Variants in FRMD3 observed in about 807,000 individuals in gnomAD.
FRMD3 encodes FERM domain-containing protein 3.
Under a neutral mutation model 70.2 loss-of-function variants are expected in FRMD3, and 33 were observed. That is an observed-to-expected ratio of 0.47 (90% CI 0.36 to 0.63). The LOEUF is 0.63. Among genes scored for constraint, FRMD3 ranks in the 20% least tolerant of loss-of-function variants. The pLI is 0.00. For synonymous variants in FRMD3, 279 were observed against 255.9 expected, an observed-to-expected ratio of 1.09 and a Z score of -0.86; for missense variants, 632 against 711.4, an observed-to-expected ratio of 0.89 and a Z score of 1.27.
At chr9:83,543,629 G>A in the FRMD3 span, among the ~76,000 whole-genome samples, 3 of 152,174 alleles carry the variant, frequency 2.0e-5, no homozygotes, top group Non-Finnish European at 2.9e-5. Flanking sequence ...ACCCACATGG[G>A]GCCAGCTGGA....
intron 6 of FRMD3, among the ~76,000 whole-genome samples, chr9:83,321,420 A>C (rs551333340): frequency 1.1e-4 from 16 of 152,218 alleles, no homozygotes; most frequent in African/African-American, 3.4e-4. Flanking sequence ...AATTTGTCTT[A>C]ATTTCCTTAT....
At chr9:83,395,963 C>G (rs185484525) in intron 1 of FRMD3, among the ~76,000 whole-genome samples, 13 of 152,262 alleles carry the variant, frequency 8.5e-5, no homozygotes, top group Non-Finnish European at 1.9e-4. Context: ...GTAATAAGAA[C>G]TACTATTCAT....
chr9:83,405,934 G>T lies in FRMD3; in HGVS notation c.148-16226C>A, dbSNP rs544076587. On this transcript the variant is annotated intron_variant, in intron 1 of 13. Transcript: ENST00000304195. ...ACGAAAATTCTGCCAATTTTACTCG[G>T]TCACAGATTAAAGCAAACAGTAACT... Among the ~76,000 whole-genome samples the T allele has an allele frequency of 9.2e-5, 14 of 152,106 alleles. No individual in the cohort carries two copies. In the South Asian group the frequency reaches 2.7e-3, roughly 29 times the overall value.
chr9:83,293,322 C>T (rs1834522063), intron 12 of FRMD3, among the ~76,000 whole-genome samples: 1 of 152,170 alleles, frequency 6.6e-6, no homozygotes, highest in South Asian at 2.1e-4. Flanking sequence ...GCAAGGACAA[C>T]ATACTGTCAT....
In FRMD3 at chr9:83,436,458, A is replaced by ATGTGTGTGTGTGTGTGTG. The variant is rs148417744; in HGVS notation, c.148-46768_148-46751dup. 4.8e-3 allele frequency among the ~76,000 whole-genome samples: 691 copies of ATGTGTGTGTGTGTGTGTG among 144,638 alleles called. 5 individuals carry two copies. The highest frequency in any genetic ancestry group is 9.8e-3 in the African/African-American group (382 of 38,808). The allele number at this position is 144,638 out of a possible 152,430, so 94.9% of individuals were successfully genotyped here. A position where few individuals can be genotyped will look rare whatever the true frequency, so the allele number is the denominator to read the frequency against. ...CCTTTGCCAAATTTTAATTAATAAG[A>ATGTGTGTGTGTGTGTGTG]TGTGTGTGTGTGTGTGTGTGTGTGT... is the stretch of plus-strand genomic sequence containing the variant. On this transcript the variant is annotated intron_variant, in intron 1 of 13. Transcript: ENST00000304195.
chr9:83,443,342 G>A lies in FRMD3; in HGVS notation c.148-53634C>T, dbSNP rs115441134. Among the ~76,000 whole-genome samples, 798 of 152,072 alleles carry A rather than the reference G, an allele frequency of 5.2e-3. 11 individuals carry two copies. The highest frequency in any genetic ancestry group is 0.017 in the African/African-American group (718 of 41,460). The stretch of plus-strand genomic sequence containing the variant: ...TATGTGATGTACCCCGCCCTGTATC[G>A]AAGTGTTCTCATTGTTCAATTCCCA... On this transcript the variant is annotated intron_variant, in intron 1 of 13. Coordinates refer to ENST00000304195, the MANE Select transcript of FRMD3 (RefSeq NM_174938.6).
chr9:83,325,002 C>A (rs945133768), intron 6 of FRMD3, among the ~76,000 whole-genome samples: 6 of 152,192 alleles, frequency 3.9e-5, no homozygotes, highest in African/African-American at 1.4e-4. Flanking sequence ...TGATTTCTAT[C>A]CACCTTTTAT....
At position 83,538,239 on chromosome 9, in the gene FRMD3, G is replaced by A. The variant is rs780934331; in HGVS notation, c.-8C>T. ...GTGGCAGGAGGCGAACATGCACCGC[G>A]GCCGTGGGGAGCGAGCGGGAGGCTC... On this transcript the variant is annotated 5_prime_UTR_variant, in exon 1 of 14. Transcript: ENST00000304195. The surrounding 1 kb of genome is among the most constrained non-coding windows in gnomAD (Gnocchi z 4.7). 5 of 1,557,016 alleles carry A rather than the reference G, an allele frequency of 3.2e-6. No individual in the cohort carries two copies. The highest frequency in any genetic ancestry group is 1.2e-5 in the South Asian group (1 of 85,382).
At chr9:83,263,070 T>A (rs1245328327) in intron 13 of FRMD3, among the ~76,000 whole-genome samples, 2 of 152,210 alleles carry the variant, frequency 1.3e-5, no homozygotes, top group East Asian at 3.9e-4. Flanking sequence ...TGGTACAGAC[T>A]CCTTATCTGT....
At chr9:83,568,009 C>T in the FRMD3 span, among the ~76,000 whole-genome samples, 849 of 152,258 alleles carry the variant, frequency 5.6e-3, 9 homozygotes, top group African/African-American at 0.016. Flanking sequence ...TCCAAATTCA[C>T]GCTGCTGATA....
intron 1 of FRMD3, among the ~76,000 whole-genome samples, chr9:83,534,299 A>G (rs947098493): frequency 6.6e-6 from 1 of 152,246 alleles, no homozygotes; most frequent in Non-Finnish European, 1.5e-5. Flanking sequence ...AGACAGAGCC[A>G]GTGACTTCCA....
At chr9:83,395,038 A>G (rs1163423876) in intron 1 of FRMD3, among the ~76,000 whole-genome samples, 2 of 152,222 alleles carry the variant, frequency 1.3e-5, no homozygotes, top group Non-Finnish European at 2.9e-5. Flanking sequence ...GGGATTATAA[A>G]TAAGCAAAGA....
At position 83,382,652 on chromosome 9, in the gene FRMD3, C is replaced by T. The variant is rs190748742; in HGVS notation, c.252+6952G>A. On this transcript the variant is annotated intron_variant, in intron 2 of 13. Transcript: ENST00000304195. ...TGACTCAGTCCTTTGATCCTGCCTC[C>T]CTGCTTGGAACTGCAGCTCACTCCC... Among the ~76,000 whole-genome samples the T allele has an allele frequency of 2.6e-5, 4 of 152,088 alleles. No homozygotes were observed. The East Asian group carries it at 5.8e-4, about 22-fold the overall frequency.
chr9:83,280,396 C>G (rs991838922), intron 13 of FRMD3, among the ~76,000 whole-genome samples: 1 of 152,200 alleles, frequency 6.6e-6, no homozygotes, highest in African/African-American at 2.4e-5. Context: ...ATGAGAGTGA[C>G]ACAGCACCTA....
At chr9:83,419,484 AGAGT>A (rs1481559227) in intron 1 of FRMD3, among the ~76,000 whole-genome samples, 10 of 148,598 alleles carry the variant, frequency 6.7e-5, no homozygotes, top group East Asian at 2.0e-4. Flanking sequence ...TCATGTGTTG[AGAGT>A]GTGTGTGTTC....
chr9:83,357,103 TATCC>T (rs1441031207), intron 3 of FRMD3, among the ~76,000 whole-genome samples: 1 of 135,944 alleles, frequency 7.4e-6, no homozygotes, highest in Non-Finnish European at 1.5e-5. Context: ...TATATATATC[TATCC>T]ATCATGGTAA....
At chr9:83,483,494 C>T (rs1828616159) in intron 1 of FRMD3, among the ~76,000 whole-genome samples, 2 of 152,192 alleles carry the variant, frequency 1.3e-5, no homozygotes, top group African/African-American at 4.8e-5. Context: ...GCTATCTACA[C>T]CACTGATTAA....
the FRMD3 span, among the ~76,000 whole-genome samples, chr9:83,574,378 A>T: frequency 6.6e-6 from 1 of 152,198 alleles, no homozygotes; most frequent in African/African-American, 2.4e-5. Context: ...AAAAATACAT[A>T]TTTTACTCTT....
intron 6 of FRMD3, among the ~76,000 whole-genome samples, chr9:83,332,210 T>G (rs542135057): frequency 6.6e-6 from 1 of 152,358 alleles, no homozygotes; most frequent in Non-Finnish European, 1.5e-5. Flanking sequence ...TTTGCAAGAC[T>G]GTTGCTTCTC....
Sources: allele counts gnomAD v4.1 joint callset (sites outside exome capture counted in the v4.1 genomes callset), GRCh38; gene constraint gnomAD v4.1.1; non-coding constraint Gnocchi (gnomAD v3.1); transcripts MANE v1.5; gene names NCBI Gene and HGNC (gene_info 2026-07-23, HGNC 2026-07-21).